Variants in ITPR1 observed in about 807,000 individuals in gnomAD.
The protein encoded by ITPR1 is inositol 1,4,5-trisphosphate receptor type 1.
ITPR1 carries 96 observed loss-of-function variants against 318.4 expected under a neutral mutation model. That is an observed-to-expected ratio of 0.30 (90% CI 0.26 to 0.36). The LOEUF is 0.36. ITPR1 is among the 10% of genes least tolerant of loss of function. The pLI is 1.00. For missense variants in ITPR1, 2,440 were observed against 3,460.2 expected, an observed-to-expected ratio of 0.71 and a Z score of 7.40; for synonymous variants, 1,312 against 1,289.9, an observed-to-expected ratio of 1.02 and a Z score of -0.37.
intron 5 of ITPR1, among the ~76,000 whole-genome samples, chr3:4,629,331 T>A (rs1487743341): frequency 6.6e-6 from 1 of 152,196 alleles, no homozygotes; most frequent in African/African-American, 2.4e-5. Context: ...ACTTTGAGCC[T>A]TTGTGTCTCA....
chr3:4,525,306 G>T (rs2082891241), intron 4 of ITPR1, among the ~76,000 whole-genome samples: 1 of 152,332 alleles, frequency 6.6e-6, no homozygotes, highest in East Asian at 1.9e-4. Flanking sequence ...CACAGTAGTT[G>T]TTCAGTGAGT....
rs531494011 is a variant in ITPR1, at chr3:4,592,734, T to A, written c.164-35029T>A. Among the ~76,000 whole-genome samples, 174 of 152,290 alleles carry A rather than the reference T, an allele frequency of 1.1e-3. 1 individual carries two copies. Among genetic ancestry groups the A allele is most frequent in the Non-Finnish European group, 6.5e-4 (44 of 68,020 alleles). ...TCTTTTTAGCTGTGTTAGTGGAAGG[T>A]GAATGTCTTTGCCCTGTTTCTCAGC... On this transcript the variant is annotated intron_variant, in intron 4 of 61. Transcript: ENST00000649015.
intron 11 of ITPR1, 66 bp downstream of exon 11, chr3:4,652,284 C>A: frequency 8.9e-7 from 1 of 1,129,278 alleles, no homozygotes; most frequent in Non-Finnish European, 1.3e-6. Context: ...TCCTCATTCG[C>A]CTGTAGCCGT....
intron 4 of ITPR1, among the ~76,000 whole-genome samples, chr3:4,537,874 G>C (rs1407153669): frequency 1.3e-5 from 2 of 152,178 alleles, no homozygotes; most frequent in East Asian, 3.8e-4. Context: ...TAAGAATACA[G>C]TAGTAATTGT....
At chr3:4,686,442 A>C (rs1277852168) in intron 30 of ITPR1, among the ~76,000 whole-genome samples, 2 of 152,190 alleles carry the variant, frequency 1.3e-5, no homozygotes, top group East Asian at 3.8e-4. Context: ...GACTAGAACC[A>C]ACAAGCTGAT....
intron 47 of ITPR1, among the ~76,000 whole-genome samples, chr3:4,775,757 C>A (rs565253903): frequency 6.6e-6 from 1 of 152,068 alleles, no homozygotes; most frequent in Admixed American, 6.5e-5. Flanking sequence ...GAAATGAGAA[C>A]CAAAAGACAG....
intron 37 of ITPR1, among the ~76,000 whole-genome samples, chr3:4,708,209 A>G (rs554938045): frequency 5.9e-4 from 90 of 152,360 alleles, no homozygotes; most frequent in African/African-American, 1.3e-3. Flanking sequence ...AAAGAAGATG[A>G]AAATAAAAGT....
At chr3:4,825,109 C>CCCA (rs1467244978) in intron 60 of ITPR1, among the ~76,000 whole-genome samples, 1 of 152,194 alleles carries the variant, frequency 6.6e-6, no homozygotes, top group African/African-American at 2.4e-5. Context: ...AATGTCTGCT[C>CCCA]CATCATCCTT....
intron 28 of ITPR1, among the ~76,000 whole-genome samples, 182 bp downstream of exon 28, chr3:4,683,980 T>A (rs891099043): frequency 6.6e-6 from 1 of 152,218 alleles, no homozygotes; most frequent in African/African-American, 2.4e-5. Flanking sequence ...AGTTTAGCTA[T>A]GTCTCCTGTG....
chr3:4,697,297 C>T, intron 34 of ITPR1, 25 bp downstream of exon 34: 2 of 1,516,326 alleles, frequency 1.3e-6, no homozygotes, highest in Non-Finnish European at 8.9e-7. Context: ...ACTGAGGAGG[C>T]AGAGTTGGAG....
chr3:4,812,515 G>GA (rs951314319), intron 56 of ITPR1, among the ~76,000 whole-genome samples: 7 of 151,780 alleles, frequency 4.6e-5, no homozygotes, highest in Non-Finnish European at 8.8e-5. Flanking sequence ...TTCTGAGAGT[G>GA]AAAAAAAATG....
chr3:4,819,119 G>A (rs6768192), intron 60 of ITPR1, among the ~76,000 whole-genome samples: 147,667 of 152,278 alleles, frequency 0.97, 71,730 homozygotes, highest in East Asian at 1. Context: ...GTAATTTTCA[G>A]GCTTTTTATG....
intron 4 of ITPR1, among the ~76,000 whole-genome samples, chr3:4,550,951 CA>C (rs2085504607): frequency 6.6e-6 from 1 of 151,598 alleles, no homozygotes; most frequent in Non-Finnish European, 1.5e-5. Context: ...CCACTAGGAA[CA>C]AAAATGGTTG....
intron 4 of ITPR1, among the ~76,000 whole-genome samples, chr3:4,615,851 A>T (rs2092367804): frequency 6.6e-6 from 1 of 151,970 alleles, no homozygotes; most frequent in South Asian, 2.1e-4. Flanking sequence ...CAAGCAGGAG[A>T]GGTGGTTAAA....
Position 4,682,957 on chromosome 3 carries a change from G to A in ITPR1, c.3162-429G>A, listed in dbSNP as rs74557843. 2.2e-3 allele frequency among the ~76,000 whole-genome samples: 341 copies of A among 152,310 alleles called. 3 individuals carry two copies. Among genetic ancestry groups the A allele is most frequent in the African/African-American group, 7.8e-3 (323 of 41,568 alleles). Reference sequence around the variant, plus strand: ...TAGTCCCAGCTACTCAGTATGCTAAGGCAGGAGGATCATTTGAGCATAGGA... The same window carrying A: ...TAGTCCCAGCTACTCAGTATGCTAAAGCAGGAGGATCATTTGAGCATAGGA... On this transcript the variant is annotated intron_variant, in intron 26 of 61. Transcript: ENST00000649015.
chr3:4,661,180 G>C lies in ITPR1; in HGVS notation c.1251+93G>C, dbSNP rs1455301516. ...CAGATCAGGGAGTATGGAGCGTGGA[G>C]ATTTGTTGCTTTGGCGAGAGTGTGG... is the stretch of plus-strand genomic sequence containing the variant. On this transcript the variant is annotated intron_variant, in intron 14 of 61. Transcript: ENST00000649015. 4.3e-6 allele frequency: 3 copies of C among 696,232 alleles called. No homozygotes were observed. The African/African-American group carries it at 5.4e-5, about 13-fold the overall frequency. The allele number at this position is 696,232 out of a possible 1,614,324, so 43.1% of individuals were successfully genotyped here. A position where few individuals can be genotyped will look rare whatever the true frequency, so the allele number is the denominator to read the frequency against.
At chr3:4,563,896 T>A (rs1455663023) in intron 4 of ITPR1, among the ~76,000 whole-genome samples, 1 of 152,114 alleles carries the variant, frequency 6.6e-6, no homozygotes, top group African/African-American at 2.4e-5. Context: ...CGACAGAAAT[T>A]TATTGTCTCA....
At chr3:4,718,901 C>T (rs984312875) in intron 40 of ITPR1, among the ~76,000 whole-genome samples, 5 of 152,136 alleles carry the variant, frequency 3.3e-5, no homozygotes, top group South Asian at 2.1e-4. Context: ...CTTGTTTCTA[C>T]GTAGAGTTGT....
intron 47 of ITPR1, among the ~76,000 whole-genome samples, chr3:4,777,043 G>A (rs78925857): frequency 6.6e-6 from 1 of 152,350 alleles, no homozygotes; most frequent in East Asian, 1.9e-4. Context: ...ATCAGTTACA[G>A]TGCATGGGGA....
Sources: allele counts gnomAD v4.1 joint callset (sites outside exome capture counted in the v4.1 genomes callset), GRCh38; gene constraint gnomAD v4.1.1; transcripts MANE v1.5; gene names NCBI Gene and HGNC (gene_info 2026-07-23, HGNC 2026-07-21).